PRKACB: variants seen among roughly 807,000 people sequenced by gnomAD.
The protein encoded by PRKACB is protein kinase cAMP-activated catalytic subunit beta, also known as cAMP-dependent protein kinase catalytic subunit beta.
A neutral mutation model predicts 51.4 loss-of-function variants in PRKACB; 16 were observed. That is an observed-to-expected ratio of 0.31 (90% confidence interval 0.21 to 0.47). The LOEUF is 0.47. Ranked by LOEUF, PRKACB falls within the 20% of genes least tolerant of loss-of-function variation. PRKACB has a pLI of 1.00. For synonymous variants in PRKACB, 147 were observed against 154.4 expected (o/e 0.95, Z 0.35); for missense variants, 309 against 464.5 (o/e 0.67, Z 3.08).
At chr1:84,135,860 A>G (rs1271471981) in intron 1 of PRKACB, among the ~76,000 whole-genome samples, 1 of 152,118 alleles carries the variant, frequency 6.6e-6, no homozygotes, top group African/African-American at 2.4e-5. Flanking sequence ...AAAACTAGAG[A>G]AAGAAGAGCA....
At chr1:84,228,853 C>T (rs533092987) in intron 9 of PRKACB, among the ~76,000 whole-genome samples, 2 of 151,854 alleles carry the variant, frequency 1.3e-5, no homozygotes, top group South Asian at 2.1e-4. Flanking sequence ...AAACAAGGAA[C>T]TAAAAATTAA....
rs569952896 is a variant in PRKACB at position 84,158,455 on chromosome 1, C to A, written c.187+13907C>A. Reference sequence around the variant, plus strand: ...AGCATATTTTCAAGTTTTTATAACCCATTTGTGTATGTACTTTGGAGAAAT... The same window carrying A: ...AGCATATTTTCAAGTTTTTATAACCAATTTGTGTATGTACTTTGGAGAAAT... On this transcript the variant is annotated intron_variant, in intron 1 of 9. Coordinates refer to ENST00000370685, the MANE Select transcript of PRKACB (RefSeq NM_182948.4). Among the ~76,000 whole-genome samples the A allele has an allele frequency of 6.0e-4, 91 of 152,196 alleles. 3 individuals carry two copies. In the East Asian group the frequency reaches 0.017, roughly 28 times the overall value.
At chr1:84,231,713 G>C (rs967022541) in intron 9 of PRKACB, among the ~76,000 whole-genome samples, 1 of 152,044 alleles carries the variant, frequency 6.6e-6, no homozygotes, top group Non-Finnish European at 1.5e-5. Context: ...TTGCGTAGAG[G>C]TGTTTGTAGT....
intron 3 of PRKACB, among the ~76,000 whole-genome samples, chr1:84,182,925 A>G (rs1286734548): frequency 6.6e-6 from 1 of 152,042 alleles, no homozygotes; most frequent in Non-Finnish European, 1.5e-5. Context: ...CAACCACTTC[A>G]TGTTACAAAT....
intron 1 of PRKACB, among the ~76,000 whole-genome samples, chr1:84,154,060 A>G (rs1655159094): frequency 6.6e-6 from 1 of 152,114 alleles, no homozygotes; most frequent in African/African-American, 2.4e-5. Flanking sequence ...TATAATAGCC[A>G]TTCTAACAGA....
rs78734928 is a variant in PRKACB, at chr1:84,099,021, G to A, written c.46+20650G>A. 4.1e-3 allele frequency among the ~76,000 whole-genome samples: 624 copies of A among 152,160 alleles called. 4 individuals are homozygous for A. The highest frequency in any genetic ancestry group is 0.014 in the African/African-American group (561 of 41,532). On this transcript the variant is annotated intron_variant, in intron 1 of 8. Transcript: ENST00000370688. ...AGAGAGAAAGGGTAGAATGAAATGG[G>A]CTAAGGGTATGATCTTTGGAGTCAA... is the stretch of plus-strand genomic sequence containing the variant.
intron 9 of PRKACB, among the ~76,000 whole-genome samples, chr1:84,228,408 A>G (rs1259306400): frequency 6.6e-6 from 1 of 152,194 alleles, no homozygotes; most frequent in Non-Finnish European, 1.5e-5. Context: ...TATAATCTGT[A>G]AAATGGGAGT....
Position 84,082,928 on chromosome 1 carries a change from T to C in PRKACB, c.46+4557T>C, listed in dbSNP as rs1346765906. Reference sequence around the variant, plus strand: ...AACGGAATGCTGGATTTATTTTTTCTCATTTAAGAATTAACTTATTTCCTC... The same window carrying C: ...AACGGAATGCTGGATTTATTTTTTCCCATTTAAGAATTAACTTATTTCCTC... On this transcript the variant is annotated intron_variant, in intron 1 of 8. Coordinates refer to the PRKACB transcript ENST00000370688. 5.3e-5 allele frequency among the ~76,000 whole-genome samples: 8 copies of C among 152,058 alleles called. 2 individuals are homozygous for C. Among genetic ancestry groups the C allele is most frequent in the African/African-American group, 1.9e-4 (8 of 41,470 alleles).
At chr1:84,187,634 C>T (rs1486401336) in intron 5 of PRKACB, among the ~76,000 whole-genome samples, 4 of 151,938 alleles carry the variant, frequency 2.6e-5, no homozygotes, top group Middle Eastern at 3.2e-3. Flanking sequence ...GAAGAAAGTT[C>T]GATTGGAGGA....
intron 1 of PRKACB, chr1:84,157,363 C>T (rs954107455): frequency 6.6e-6 from 1 of 152,132 alleles, no homozygotes; most frequent in African/African-American, 2.4e-5. Flanking sequence ...CAACTGTTTC[C>T]TCCTCGGTAG....
intron 9 of PRKACB, among the ~76,000 whole-genome samples, chr1:84,218,591 A>G (rs1673207306): frequency 1.3e-5 from 2 of 152,126 alleles, no homozygotes; most frequent in African/African-American, 2.4e-5. Context: ...TATCTTTGCT[A>G]TTATGCATAG....
chr1:84,233,356 T>G (rs1219232468), intron 9 of PRKACB, among the ~76,000 whole-genome samples: 1 of 146,342 alleles, frequency 6.8e-6, no homozygotes, highest in Non-Finnish European at 1.5e-5. Flanking sequence ...ATTTTTTCCT[T>G]CATTTCAACT....
intron 1 of PRKACB, among the ~76,000 whole-genome samples, chr1:84,162,202 C>T (rs1435555906): frequency 6.6e-6 from 1 of 151,984 alleles, no homozygotes; most frequent in African/African-American, 2.4e-5. Context: ...TCATTTTTCT[C>T]TTGCTGCTTT....
At chr1:84,138,555 C>T (rs543929595) in intron 1 of PRKACB, among the ~76,000 whole-genome samples, 4 of 150,822 alleles carry the variant, frequency 2.7e-5, no homozygotes, top group East Asian at 2.0e-4. Context: ...AAAACAAAAA[C>T]GAAAAACAAA....
At chr1:84,200,678 A>C (rs1279416974) in intron 7 of PRKACB, among the ~76,000 whole-genome samples, 1 of 152,050 alleles carries the variant, frequency 6.6e-6, no homozygotes, top group South Asian at 2.1e-4. Flanking sequence ...TAAGGAAGGG[A>C]TCTATCTTCA....
intron 1 of PRKACB, among the ~76,000 whole-genome samples, chr1:84,091,076 C>T (rs1648431461): frequency 6.6e-6 from 1 of 152,132 alleles, no homozygotes; most frequent in Non-Finnish European, 1.5e-5. Flanking sequence ...TTCCCTTTCT[C>T]ATCGCTCACC....
chr1:84,110,064 G>A (rs1650091630), intron 1 of PRKACB, among the ~76,000 whole-genome samples: 1 of 151,728 alleles, frequency 6.6e-6, no homozygotes, highest in South Asian at 2.1e-4. Flanking sequence ...ATGTGTATGT[G>A]TGCATATATA....
intron 1 of PRKACB, among the ~76,000 whole-genome samples, chr1:84,124,401 C>T (rs1651374680): frequency 6.6e-6 from 1 of 152,198 alleles, no homozygotes; most frequent in African/African-American, 2.4e-5. Flanking sequence ...ATTAGTATAA[C>T]TTTACAGCCT....
chr1:84,144,045 C>G (rs949138082), upstream of PRKACB, among the ~76,000 whole-genome samples: 1 of 152,002 alleles, frequency 6.6e-6, no homozygotes, highest in Non-Finnish European at 1.5e-5. Context: ...GAATGTTTAG[C>G]CTACTATATA....
Sources: gnomAD v4.1 joint callset for allele counts (sites outside exome capture counted in the v4.1 genomes callset) on GRCh38, gnomAD v4.1.1 for gene constraint, MANE v1.5 for transcripts, NCBI Gene and HGNC (gene_info 2026-07-23, HGNC 2026-07-21) for gene names.